Variants in KCNH1 observed in about 807,000 individuals in gnomAD.
The protein encoded by KCNH1 is voltage-gated delayed rectifier potassium channel KCNH1.
Under a neutral mutation model 69.2 loss-of-function variants are expected in KCNH1, and 27 were observed. The observed-to-expected ratio is 0.39, with a 90% CI of 0.29 to 0.54. The LOEUF is 0.54. KCNH1 is among the 20% of genes least tolerant of loss of function. The pLI is 0.68. For synonymous variants in KCNH1, 456 were observed against 487.7 expected (o/e 0.93, Z 0.86); for missense variants, 798 against 1,261.6 (o/e 0.63, Z 5.57).
intron 7 of KCNH1, among the ~76,000 whole-genome samples, chr1:210,904,566 G>A (rs964694753): frequency 2.6e-5 from 4 of 152,214 alleles, no homozygotes; most frequent in Non-Finnish European, 5.9e-5. Context: ...AGGCTGCACG[G>A]AGACTGGCCA....
intron 6 of KCNH1, among the ~76,000 whole-genome samples, chr1:210,954,418 C>G (rs1281917284): frequency 6.6e-6 from 1 of 152,018 alleles, no homozygotes; most frequent in Non-Finnish European, 1.5e-5. Context: ...GGGTATATAC[C>G]CAGTAATGGG....
intron 7 of KCNH1, among the ~76,000 whole-genome samples, chr1:210,836,537 A>G (rs1202444374): frequency 6.6e-6 from 1 of 152,124 alleles, no homozygotes; most frequent in Non-Finnish European, 1.5e-5. Context: ...TTCCCTGTCC[A>G]CTTTCTAGCA....
At chr1:210,797,351 G>A (rs1162547279) in intron 9 of KCNH1, among the ~76,000 whole-genome samples, 157 bp downstream of exon 9, 2 of 152,322 alleles carry the variant, frequency 1.3e-5, no homozygotes, top group East Asian at 3.9e-4. Context: ...GTGCCAAACA[G>A]GCTCTCGCCG....
intron 7 of KCNH1, among the ~76,000 whole-genome samples, chr1:210,843,479 A>T (rs1033073677): frequency 6.6e-6 from 1 of 152,188 alleles, no homozygotes; most frequent in Admixed American, 6.6e-5. Flanking sequence ...CTATGCTGTA[A>T]CACTACTCTG....
At chr1:210,994,051 A>C (rs894815027) in intron 6 of KCNH1, among the ~76,000 whole-genome samples, 9 of 152,230 alleles carry the variant, frequency 5.9e-5, no homozygotes, top group African/African-American at 2.2e-4. Context: ...TAAAGTTTAA[A>C]ATGTAATAAA....
At chr1:210,971,921 A>G (rs1688518616) in intron 6 of KCNH1, among the ~76,000 whole-genome samples, 1 of 152,146 alleles carries the variant, frequency 6.6e-6, no homozygotes. Flanking sequence ...CATATAATCC[A>G]TTATTATGTC....
intron 5 of KCNH1, among the ~76,000 whole-genome samples, chr1:211,079,929 A>C (rs1197300515): frequency 6.6e-6 from 1 of 152,204 alleles, no homozygotes; most frequent in Non-Finnish European, 1.5e-5. Flanking sequence ...GCCCTCTCTC[A>C]CCACTCCTAT....
At chr1:211,002,399 T>C (rs1689206169) in intron 6 of KCNH1, among the ~76,000 whole-genome samples, 2 of 150,840 alleles carry the variant, frequency 1.3e-5, no homozygotes, top group African/African-American at 4.9e-5. Context: ...CCAAAACATT[T>C]TTTTGAAATT....
chr1:211,004,078 C>T lies in KCNH1; in HGVS notation c.1032+14705G>A, dbSNP rs1044733890. On this transcript the variant is annotated intron_variant, in intron 6 of 10. Coordinates refer to ENST00000271751, the MANE Select transcript of KCNH1 (RefSeq NM_172362.3). ...CACTGCACTCCTGCCTGGGCGACAG[C>T]GAGACTCTGTCTCAAAAAAGAAAAA... Among the ~76,000 whole-genome samples the T allele has an allele frequency of 3.3e-5, 5 of 151,860 alleles. No homozygotes were observed. The East Asian group carries it at 5.8e-4, about 18-fold the overall frequency.
At chr1:210,961,838 C>T (rs1181645207) in intron 6 of KCNH1, among the ~76,000 whole-genome samples, 3 of 107,970 alleles carry the variant, frequency 2.8e-5, no homozygotes, top group African/African-American at 1.1e-4. Context: ...AAAACTGTCT[C>T]AAAAAAAAAG....
At chr1:210,749,877 G>T (rs1188494679) in intron 10 of KCNH1, among the ~76,000 whole-genome samples, 2 of 151,878 alleles carry the variant, frequency 1.3e-5, no homozygotes, top group African/African-American at 4.8e-5. Context: ...CGAGTAGCTG[G>T]GACTACAGGC....
intron 10 of KCNH1, among the ~76,000 whole-genome samples, chr1:210,729,454 C>T (rs1682689509): frequency 6.6e-6 from 1 of 152,168 alleles, no homozygotes; most frequent in Admixed American, 6.5e-5. Flanking sequence ...TCAAATATAC[C>T]ATGCATTGCC....
Position 211,046,661 on chromosome 1 carries a change from G to A in KCNH1, c.559-27405C>T, listed in dbSNP as rs1690099542. ...AAAACCTTTGCCAAGTTTAACTCCAGGGTCCATGCTTTAAACCCCTCTGCT... is the reference window on the plus strand; with the variant it reads ...AAAACCTTTGCCAAGTTTAACTCCAAGGTCCATGCTTTAAACCCCTCTGCT... On this transcript the variant is annotated intron_variant, in intron 5 of 10. Coordinates refer to ENST00000271751, the MANE Select transcript of KCNH1 (RefSeq NM_172362.3). Among the ~76,000 whole-genome samples the A allele has an allele frequency of 3.3e-5, 5 of 152,160 alleles. No homozygotes were observed. In the South Asian group the frequency reaches 1.0e-3, roughly 32 times the overall value.
intron 6 of KCNH1, among the ~76,000 whole-genome samples, chr1:210,944,940 T>G (rs1444497283): frequency 6.6e-6 from 1 of 152,168 alleles, no homozygotes; most frequent in Admixed American, 6.5e-5. Context: ...CAGCTCCTGA[T>G]AACCTCCAAT....
intron 10 of KCNH1, among the ~76,000 whole-genome samples, chr1:210,695,136 C>A (rs1259763239): frequency 1.3e-5 from 2 of 152,220 alleles, no homozygotes; most frequent in East Asian, 3.8e-4. Context: ...CTATTCTTAG[C>A]CATGGATGGG....
At chr1:210,811,264 C>T (rs1684695618) in intron 7 of KCNH1, among the ~76,000 whole-genome samples, 1 of 152,148 alleles carries the variant, frequency 6.6e-6, no homozygotes, top group Non-Finnish European at 1.5e-5. Context: ...CATATGTGGG[C>T]CTAAATACTT....
chr1:210,714,995 A>G (rs1682191226), intron 10 of KCNH1, among the ~76,000 whole-genome samples: 1 of 152,212 alleles, frequency 6.6e-6, no homozygotes, highest in South Asian at 2.1e-4. Context: ...ACTACCCATC[A>G]GAGACCTGTG....
intron 7 of KCNH1, among the ~76,000 whole-genome samples, chr1:210,899,942 A>T (rs1356873076): frequency 2.0e-5 from 3 of 152,188 alleles, no homozygotes; most frequent in Admixed American, 2.0e-4. Context: ...CAGATTTCTA[A>T]AAAACTAAAT....
At chr1:210,865,586 C>T (rs536862705) in intron 7 of KCNH1, among the ~76,000 whole-genome samples, 20 of 152,156 alleles carry the variant, frequency 1.3e-4, no homozygotes, top group Admixed American at 3.3e-4. Flanking sequence ...GCTGAAGCTA[C>T]GCTTTGTAAC....
Sources: allele counts gnomAD v4.1 joint callset (sites outside exome capture counted in the v4.1 genomes callset), GRCh38; gene constraint gnomAD v4.1.1; transcripts MANE v1.5; gene names NCBI Gene and HGNC (gene_info 2026-07-23, HGNC 2026-07-21).